The following APBA2 variants were observed in gnomAD, a reference collection of about 807,000 sequenced individuals.
APBA2 encodes the protein amyloid-beta A4 precursor protein-binding family A member 2.
APBA2 carries 30 observed loss-of-function variants against 75.0 expected under a neutral mutation model. That is an observed-to-expected ratio of 0.40 (90% CI 0.30 to 0.54). APBA2 has a LOEUF of 0.54. Among genes scored for constraint, APBA2 ranks in the 20% least tolerant of loss-of-function variants. APBA2 has a pLI of 0.49. For synonymous variants in APBA2, 444 were observed against 409.6 expected (o/e 1.08, Z -1.01); for missense variants, 801 against 1,016.1 (o/e 0.79, Z 2.88).
chr15:28,933,972 G>A (rs1344885181), intron 2 of APBA2, among the ~76,000 whole-genome samples: 2 of 152,168 alleles, frequency 1.3e-5, no homozygotes, highest in Non-Finnish European at 1.5e-5. Context: ...GAGAAAGGGG[G>A]GCATGGGCTG....
intron 2 of APBA2, among the ~76,000 whole-genome samples, chr15:28,992,221 C>T (rs1405274547): frequency 2.6e-5 from 4 of 152,190 alleles, no homozygotes; most frequent in Non-Finnish European, 5.9e-5. Context: ...CTGTCTCGGG[C>T]TCCCTCCCCA....
intron 1 of APBA2, among the ~76,000 whole-genome samples, chr15:28,892,429 A>T (rs1259591150): frequency 1.3e-5 from 2 of 152,172 alleles, no homozygotes; most frequent in East Asian, 1.9e-4. Context: ...GTTTAGATAG[A>T]TACTTGTGTT....
Position 29,076,050 on chromosome 15 carries a change from A to G in APBA2, c.1033-5A>G, listed in dbSNP as rs565016674. 1.8e-5 allele frequency: 29 copies of G among 1,613,986 alleles called. 1 individual carries two copies. The South Asian group carries it at 3.0e-4, about 16-fold the overall frequency. On this transcript the variant is annotated splice_region_variant and splice_polypyrimidine_tract_variant and intron_variant, in intron 5 of 14. Coordinates refer to ENST00000683413, the MANE Select transcript of APBA2 (RefSeq NM_001353788.2). ...TGTGTTTTATTTTTCCATATTTCCTAACAGACAAAGAAGGTGGCATCATTT... is the reference window on the plus strand; with the variant it reads ...TGTGTTTTATTTTTCCATATTTCCTGACAGACAAAGAAGGTGGCATCATTT...
At chr15:28,982,317 G>T (rs2037667470) in intron 2 of APBA2, among the ~76,000 whole-genome samples, 1 of 152,216 alleles carries the variant, frequency 6.6e-6, no homozygotes, top group Admixed American at 6.5e-5. Flanking sequence ...TAATTTTGTT[G>T]CCCTTTGGGC....
intron 2 of APBA2, among the ~76,000 whole-genome samples, chr15:28,927,083 C>G (rs1441930119): frequency 6.6e-6 from 1 of 152,020 alleles, no homozygotes; most frequent in Non-Finnish European, 1.5e-5. Flanking sequence ...GTCTCGAACT[C>G]CTGACCTCAA....
At chr15:29,110,673 C>T (rs941033531) in intron 13 of APBA2, among the ~76,000 whole-genome samples, 2 of 152,196 alleles carry the variant, frequency 1.3e-5, no homozygotes, top group Non-Finnish European at 2.9e-5. Context: ...TGACTTGCCC[C>T]AGGTCACACA....
chr15:28,945,138 G>C lies in APBA2; in HGVS notation c.-95+23389G>C, dbSNP rs1170944550. 2.0e-5 allele frequency among the ~76,000 whole-genome samples: 3 copies of C among 152,198 alleles called. No homozygotes were observed. In the East Asian group the frequency reaches 5.8e-4, roughly 29 times the overall value. Reference sequence around the variant, plus strand: ...CACCTGGCAACTCACAGCCAGCCGCGGCGTCACTGTCAGGACTCTGTGAAA... The same window carrying C: ...CACCTGGCAACTCACAGCCAGCCGCCGCGTCACTGTCAGGACTCTGTGAAA... On this transcript the variant is annotated intron_variant, in intron 2 of 14. Transcript: ENST00000683413.
intron 14 of APBA2, among the ~76,000 whole-genome samples, chr15:29,114,510 A>AG (rs1555417540): frequency 6.6e-6 from 1 of 150,788 alleles, no homozygotes; most frequent in Admixed American, 6.6e-5. Context: ...GATCATTGGG[A>AG]GGGGGGATGG....
At position 29,104,381 on chromosome 15, in the gene APBA2, C is replaced by T. The variant is rs371012350; in HGVS notation, c.1525-998C>T. Among the ~76,000 whole-genome samples the T allele has an allele frequency of 1.3e-4, 20 of 152,360 alleles. No homozygotes were observed. The South Asian group carries it at 3.9e-3, about 30-fold the overall frequency. ...CAAGAGCCCCGCCGCGCTCCCAGGG[C>T]TGCACAGCTGCCAGCCTGCTTGGCG... is the stretch of plus-strand genomic sequence containing the variant. On this transcript the variant is annotated intron_variant, in intron 10 of 14. Transcript: ENST00000683413.
At chr15:29,027,122 T>C (rs2040261462) in intron 3 of APBA2, among the ~76,000 whole-genome samples, 1 of 152,228 alleles carries the variant, frequency 6.6e-6, no homozygotes, top group South Asian at 2.1e-4. Flanking sequence ...AAGTTTGAGG[T>C]AAGATCTTTG....
At chr15:28,921,450 A>G (rs936822340) in intron 1 of APBA2, among the ~76,000 whole-genome samples, 190 bp from the exon 2 acceptor site, 6 of 152,186 alleles carry the variant, frequency 3.9e-5, no homozygotes, top group Non-Finnish European at 8.8e-5. Flanking sequence ...TTGGTTTTTC[A>G]GATATTCAGC....
At chr15:29,059,949 A>G (rs1387562340) in intron 4 of APBA2, among the ~76,000 whole-genome samples, 2 of 152,164 alleles carry the variant, frequency 1.3e-5, no homozygotes, top group African/African-American at 4.8e-5. Flanking sequence ...TGCTTCCCAA[A>G]CATGGTGTAT....
intron 2 of APBA2, among the ~76,000 whole-genome samples, chr15:28,937,516 G>A (rs1294675569): frequency 6.6e-6 from 1 of 152,138 alleles, no homozygotes; most frequent in Non-Finnish European, 1.5e-5. Flanking sequence ...AAGCTCAGAG[G>A]TTGCAGGAGA....
chr15:29,005,730 G>A (rs1337451952), intron 3 of APBA2, among the ~76,000 whole-genome samples: 1 of 152,100 alleles, frequency 6.6e-6, no homozygotes, highest in Non-Finnish European at 1.5e-5. Context: ...CTGTCGTGGT[G>A]GCAGACCCCT....
chr15:29,015,979 C>T (rs1381433153), intron 3 of APBA2, among the ~76,000 whole-genome samples: 1 of 152,200 alleles, frequency 6.6e-6, no homozygotes, highest in African/African-American at 2.4e-5. Context: ...TTATGGTTGG[C>T]CGGGCGCGGT....
chr15:29,031,510 C>T (rs1402301373), intron 3 of APBA2, among the ~76,000 whole-genome samples: 1 of 152,060 alleles, frequency 6.6e-6, no homozygotes, highest in Non-Finnish European at 1.5e-5. Flanking sequence ...GCTCTTGTTG[C>T]CCAGGCTGGA....
chr15:28,932,464 A>C (rs1302867355), intron 2 of APBA2, among the ~76,000 whole-genome samples: 2 of 152,192 alleles, frequency 1.3e-5, no homozygotes, highest in Non-Finnish European at 2.9e-5. Flanking sequence ...CTAGTGCTGC[A>C]GTCTCAGAGA....
chr15:29,101,379 G>A (rs141844029), intron 9 of APBA2, among the ~76,000 whole-genome samples: 53 of 152,218 alleles, frequency 3.5e-4, no homozygotes, highest in Non-Finnish European at 6.0e-4. Flanking sequence ...ACAGGCACCT[G>A]CCACCACGCC....
Position 29,054,179 on chromosome 15 carries a change from T to G in APBA2, c.295T>G (p.Tyr99Asp), listed in dbSNP as rs1416213879. Residue 99 changes from tyrosine (Y) to aspartate (D), a missense_variant, in exon 4 of 15, where the codon TAC becomes GAC. Tyr to Asp is a radical substitution (Grantham distance 160, BLOSUM62 -3). Transcript: ENST00000683413. The surrounding 1 kb of genome is among the most constrained non-coding windows in gnomAD (Gnocchi z 6.1). ...GLPEEEEGITYYIRYCPEDDS... is the reference protein window; with the variant it reads ...GLPEEEEGITDYIRYCPEDDS... ...CCCTGAGGAGGAGGAGGGCATCACCTACTACATCCGCTACTGCCCTGAGGA... is the reference window on the plus strand; with the variant it reads ...CCCTGAGGAGGAGGAGGGCATCACCGACTACATCCGCTACTGCCCTGAGGA... The G allele has an allele frequency of 1.9e-5, 30 of 1,614,148 alleles. No homozygotes were observed. The highest frequency in any genetic ancestry group is 2.4e-5 in the Non-Finnish European group (28 of 1,180,018).
Sources: allele counts gnomAD v4.1 joint callset (sites outside exome capture counted in the v4.1 genomes callset), GRCh38; gene constraint gnomAD v4.1.1; non-coding constraint Gnocchi (gnomAD v3.1); transcripts MANE v1.5; gene names NCBI Gene and HGNC (gene_info 2026-07-23, HGNC 2026-07-21).